HTRA1: variants seen among roughly 807,000 people sequenced by gnomAD.
HTRA1 encodes serine protease HTRA1.
Under a neutral mutation model 49.7 loss-of-function variants are expected in HTRA1, and 26 were observed. That is an observed-to-expected ratio of 0.52 (90% CI 0.38 to 0.73). HTRA1 has a LOEUF of 0.73. Ranked by LOEUF, HTRA1 falls within the 30% of genes least tolerant of loss-of-function variation. HTRA1 has a pLI of 0.00. For missense variants in HTRA1, 561 were observed against 667.2 expected, an observed-to-expected ratio of 0.84 and a Z score of 1.75; for synonymous variants, 291 against 286.9, an observed-to-expected ratio of 1.01 and a Z score of -0.14.
chr10:122,474,153 C>A (rs2097487399), intron 1 of HTRA1, among the ~76,000 whole-genome samples: 1 of 152,180 alleles, frequency 6.6e-6, no homozygotes, highest in Non-Finnish European at 1.5e-5. Flanking sequence ...TGAGGAAATG[C>A]ACTTTTCAGA....
chr10:122,502,560 G>A (rs531871863), intron 3 of HTRA1, among the ~76,000 whole-genome samples: 115 of 152,312 alleles, frequency 7.6e-4, no homozygotes, highest in Admixed American at 1.2e-3. Flanking sequence ...TCTTCCTAAA[G>A]TCCCTCTGTT....
chr10:122,475,237 G>A (rs911713680), intron 1 of HTRA1, among the ~76,000 whole-genome samples: 1 of 152,196 alleles, frequency 6.6e-6, no homozygotes, highest in African/African-American at 2.4e-5. Context: ...CAAGGCACCC[G>A]GGACATGCAG....
In HTRA1 at chr10:122,506,914, AT is replaced by A; in HGVS notation, c.972+31del. The stretch of plus-strand genomic sequence containing the variant: ...AGCCTCTGTCCCTCTGCGGGTGGGG[AT>A]TGGGGCAGAGTTTTGCCAGGGGGAG... On this transcript the variant is annotated intron_variant, in intron 4 of 8. Transcript: ENST00000368984. The surrounding 1 kb of genome is among the most constrained non-coding windows in gnomAD (Gnocchi z 5.2). 1 of 1,602,154 alleles carries A rather than the reference AT, an allele frequency of 6.2e-7. No individual in the cohort carries two copies. The highest frequency in any genetic ancestry group is 8.5e-7 in the Non-Finnish European group (1 of 1,171,080).
At chr10:122,465,773 G>T (rs951061837) in intron 1 of HTRA1, among the ~76,000 whole-genome samples, 3 of 152,200 alleles carry the variant, frequency 2.0e-5, no homozygotes, top group African/African-American at 7.2e-5. Flanking sequence ...CCAAGCCAGA[G>T]ATCCAGACAA....
chr10:122,471,732 CTGTT>C (rs765367969), intron 1 of HTRA1, among the ~76,000 whole-genome samples: 8 of 152,204 alleles, frequency 5.3e-5, no homozygotes, highest in Non-Finnish European at 8.8e-5. Flanking sequence ...AGTGTGGAGT[CTGTT>C]TGTCCTGAGA....
chr10:122,505,989 T>C (rs1439276550), intron 3 of HTRA1, among the ~76,000 whole-genome samples: 1 of 151,198 alleles, frequency 6.6e-6, no homozygotes, highest in Non-Finnish European at 1.5e-5. Context: ...TGTGGGACGC[T>C]GGAGATCAGG....
intron 3 of HTRA1, among the ~76,000 whole-genome samples, chr10:122,496,485 C>T (rs2097498813): frequency 6.6e-6 from 1 of 151,470 alleles, no homozygotes; most frequent in African/African-American, 2.4e-5. Flanking sequence ...CTGTCTTGGC[C>T]AAATACTTCT....
At chr10:122,476,306 A>G (rs1006028388) in intron 1 of HTRA1, among the ~76,000 whole-genome samples, 3 of 152,180 alleles carry the variant, frequency 2.0e-5, no homozygotes, top group African/African-American at 7.2e-5. Context: ...GAGAAACCTC[A>G]CAAAGGGAGC....
chr10:122,496,564 A>G (rs2097498839), intron 3 of HTRA1, among the ~76,000 whole-genome samples: 1 of 152,072 alleles, frequency 6.6e-6, no homozygotes, highest in African/African-American at 2.4e-5. Context: ...GAAATGGGTG[A>G]TGTAAAGTAA....
chr10:122,492,434 A>T (rs996810408), intron 3 of HTRA1, among the ~76,000 whole-genome samples: 1 of 152,134 alleles, frequency 6.6e-6, no homozygotes, highest in Non-Finnish European at 1.5e-5. Flanking sequence ...CCAGGACTCA[A>T]GTGATTCTCC....
intron 3 of HTRA1, among the ~76,000 whole-genome samples, chr10:122,501,009 G>A (rs2736924): frequency 0.97 from 147,382 of 152,232 alleles, 71,523 homozygotes; most frequent in East Asian, 1. Flanking sequence ...TGTGCCCTGA[G>A]CATCTGGGAG....
intron 1 of HTRA1, among the ~76,000 whole-genome samples, chr10:122,476,162 G>C (rs963475417): frequency 3.3e-5 from 5 of 152,164 alleles, no homozygotes; most frequent in Non-Finnish European, 7.3e-5. Context: ...CATAGTCCAA[G>C]TTCCCTGGAG....
At position 122,512,051 on chromosome 10, in the gene HTRA1, T is replaced by A. The variant is rs144118239; in HGVS notation, c.1260T>A (p.Asp420Glu). 9.4e-5 allele frequency: 152 copies of A among 1,610,208 alleles called. No individual in the cohort carries two copies. Among genetic ancestry groups the A allele is most frequent in the Non-Finnish European group, 1.2e-4 (143 of 1,176,528 alleles). The change falls in exon 8 of 9, where the codon GAT becomes GAA. Residue 420 changes from aspartate (D) to glutamate (E), a missense_variant. Transcript: ENST00000368984. ...CGTATATAATTGAAGTAATTCCTGA[T>A]ACCCCAGCAGAAGCGTGAGTTGGAG... ...SGAYIIEVIP[D>E]TPAEAGGLKE...
chr10:122,466,173 C>CTT (rs942714153), intron 1 of HTRA1, among the ~76,000 whole-genome samples: 1 of 149,642 alleles, frequency 6.7e-6, no homozygotes, highest in African/African-American at 2.5e-5. Flanking sequence ...GTAAAATTTA[C>CTT]TTTTTTTTTT....
intron 1 of HTRA1, 69 bp from the exon 2 acceptor site, chr10:122,488,833 A>G (rs1309226916): frequency 2.4e-6 from 3 of 1,249,684 alleles, no homozygotes; most frequent in Non-Finnish European, 3.5e-6. Flanking sequence ...GCTTCCTCTA[A>G]CCCATGTCTT....
chr10:122,511,839 T>C (rs2097505769), intron 7 of HTRA1, 131 bp from the exon 8 acceptor site: 1 of 686,956 alleles, frequency 1.5e-6, no homozygotes, highest in African/African-American at 1.8e-5. Flanking sequence ...AATTTTAAAA[T>C]AGGATCAGAA....
At chr10:122,503,873 G>A (rs1378710715) in intron 3 of HTRA1, among the ~76,000 whole-genome samples, 2 of 152,156 alleles carry the variant, frequency 1.3e-5, no homozygotes, top group African/African-American at 4.8e-5. Flanking sequence ...AAACCTAAAC[G>A]AGATGATCAC....
Position 122,490,249 on chromosome 10 carries a change from T to A in HTRA1, c.777+623T>A, listed in dbSNP as rs964879609. Reference sequence around the variant, plus strand: ...ACGTGGCTTGCCTACAAAAGGGTGTTGACTGAACTATTTGCCCAAATTATA... The same window carrying A: ...ACGTGGCTTGCCTACAAAAGGGTGTAGACTGAACTATTTGCCCAAATTATA... On this transcript the variant is annotated intron_variant, in intron 3 of 8. Coordinates refer to ENST00000368984, the MANE Select transcript of HTRA1 (RefSeq NM_002775.5). The surrounding 1 kb of genome is among the most constrained non-coding windows in gnomAD (Gnocchi z 4.2). Among the ~76,000 whole-genome samples, 4 of 152,240 alleles carry A rather than the reference T, an allele frequency of 2.6e-5. No individual in the cohort carries two copies. The highest frequency in any genetic ancestry group is 2.1e-4 in the South Asian group (1 of 4,836).
At chr10:122,511,638 C>G in intron 7 of HTRA1, among the ~76,000 whole-genome samples, 1 of 151,410 alleles carries the variant, frequency 6.6e-6, no homozygotes, top group East Asian at 1.9e-4. Flanking sequence ...GTGGCTGAGG[C>G]AGGAGAATTG....
Sources: gnomAD v4.1 joint callset for allele counts (sites outside exome capture counted in the v4.1 genomes callset) on GRCh38, gnomAD v4.1.1 for gene constraint, Gnocchi (gnomAD v3.1) non-coding constraint, MANE v1.5 for transcripts, NCBI Gene and HGNC (gene_info 2026-07-23, HGNC 2026-07-21) for gene names.